The following PCDH15 variants were observed in gnomAD, a reference collection of about 807,000 sequenced individuals.
PCDH15 encodes the protein protocadherin-15.
A neutral mutation model predicts 178.5 loss-of-function variants in PCDH15; 129 were observed. The ratio of observed to expected loss-of-function variants is 0.72; its 90% CI spans 0.63 to 0.84. PCDH15 has a LOEUF of 0.84. Among genes scored for constraint, PCDH15 ranks in the 40% least tolerant of loss-of-function variants. The pLI is 0.00. For synonymous variants in PCDH15, 800 were observed against 732.0 expected (o/e 1.09, Z -1.50); for missense variants, 2,230 against 2,099.9 (o/e 1.06, Z -1.21).
At chr10:54,101,494 T>C (rs557971608) in intron 15 of PCDH15, among the ~76,000 whole-genome samples, 2 of 152,198 alleles carry the variant, frequency 1.3e-5, no homozygotes, top group East Asian at 3.9e-4. Context: ...TTTGAGCAAA[T>C]TAATAGATCA....
rs181599776 is a variant in PCDH15 at position 55,477,298 on chromosome 10, T to G, written c.-156+150327A>C. Among the ~76,000 whole-genome samples, 373 of 152,024 alleles carry G rather than the reference T, an allele frequency of 2.5e-3. 1 individual carries two copies. The highest frequency in any genetic ancestry group is 8.4e-3 in the African/African-American group (347 of 41,532). Reference sequence around the variant, plus strand: ...GCTTGAATGTATGGTATGGCTTCCTTTCAGTGTGACTCCTCAGGCTGGGTT... The same window carrying G: ...GCTTGAATGTATGGTATGGCTTCCTGTCAGTGTGACTCCTCAGGCTGGGTT... On this transcript the variant is annotated intron_variant, in intron 2 of 5. Transcript: ENST00000613346.
At chr10:54,748,051 C>A (rs1009286481) in intron 1 of PCDH15, among the ~76,000 whole-genome samples, 1 of 151,970 alleles carries the variant, frequency 6.6e-6, no homozygotes. Flanking sequence ...GTGATCCACC[C>A]GCCCCCGCCT....
At chr10:54,950,481 C>T (rs775447452) in intron 2 of PCDH15, among the ~76,000 whole-genome samples, 5 of 152,008 alleles carry the variant, frequency 3.3e-5, no homozygotes, top group Non-Finnish European at 7.4e-5. Flanking sequence ...CTCACTTTGC[C>T]TGCTGCCATC....
At position 53,965,101 on chromosome 10, in the gene PCDH15, G is replaced by A. The variant is rs570148993; in HGVS notation, c.2869-3209C>T. 3.3e-5 allele frequency among the ~76,000 whole-genome samples: 5 copies of A among 149,804 alleles called. No individual in the cohort carries two copies. The East Asian group carries it at 7.9e-4, about 24-fold the overall frequency. On this transcript the variant is annotated intron_variant, in intron 21 of 37. Coordinates refer to ENST00000644397, the MANE Select transcript of PCDH15 (RefSeq NM_001384140.1). ...GAGACAGAGTCTTGTACTCTTACCCGGGCTGGAGTGCAGTTGCACGATCTC... is the reference window on the plus strand; with the variant it reads ...GAGACAGAGTCTTGTACTCTTACCCAGGCTGGAGTGCAGTTGCACGATCTC...
At chr10:54,546,444 G>A (rs575421346) in intron 2 of PCDH15, among the ~76,000 whole-genome samples, 54 of 151,922 alleles carry the variant, frequency 3.6e-4, no homozygotes, top group Admixed American at 2.2e-3. Context: ...ATTGTTATTA[G>A]TGATTTCTTA....
intron 1 of PCDH15, among the ~76,000 whole-genome samples, chr10:54,673,341 T>G (rs757877174): frequency 6.6e-6 from 1 of 152,176 alleles, no homozygotes; most frequent in Non-Finnish European, 1.5e-5. Flanking sequence ...TTTCTGTTCT[T>G]GTGTTAGTTT....
chr10:54,109,635 A>C (rs953029443), intron 15 of PCDH15, among the ~76,000 whole-genome samples: 1 of 152,192 alleles, frequency 6.6e-6, no homozygotes, highest in African/African-American at 2.4e-5. Flanking sequence ...GAGCTGAAAA[A>C]TAAAACTATT....
chr10:54,323,734 C>CA (rs1302808232), intron 7 of PCDH15, among the ~76,000 whole-genome samples: 1 of 151,904 alleles, frequency 6.6e-6, no homozygotes, highest in African/African-American at 2.4e-5. Context: ...GAGAATGGAT[C>CA]AAAAAACTAC....
chr10:55,573,224 T>C (rs960895324), intron 2 of PCDH15, among the ~76,000 whole-genome samples: 2 of 152,020 alleles, frequency 1.3e-5, no homozygotes, highest in African/African-American at 4.8e-5. Context: ...CTAAAAATGT[T>C]AAAGCAACAA....
chr10:55,144,693 T>C (rs994100910), intron 2 of PCDH15, among the ~76,000 whole-genome samples: 3 of 152,142 alleles, frequency 2.0e-5, no homozygotes, highest in Non-Finnish European at 4.4e-5. Flanking sequence ...GACTTTACTA[T>C]AAACATGGTA....
intron 2 of PCDH15, among the ~76,000 whole-genome samples, chr10:54,945,639 A>T (rs1838179649): frequency 6.6e-6 from 1 of 151,682 alleles, no homozygotes; most frequent in South Asian, 2.1e-4. Flanking sequence ...TGTTGCTGAT[A>T]ATTGATTCCT....
intron 2 of PCDH15, among the ~76,000 whole-genome samples, chr10:54,546,834 C>T (rs185757625): frequency 3.3e-5 from 5 of 152,224 alleles, no homozygotes; most frequent in African/African-American, 2.4e-5. Context: ...CCTTCAACAC[C>T]GCATGATTCT....
At chr10:54,891,178 G>A (rs1954454324) in intron 3 of PCDH15, among the ~76,000 whole-genome samples, 1 of 151,904 alleles carries the variant, frequency 6.6e-6, no homozygotes, top group Non-Finnish European at 1.5e-5. Context: ...ATGTCTTTTG[G>A]GTGCCAGACC....
chr10:55,574,885 C>T (rs186183451), intron 2 of PCDH15, among the ~76,000 whole-genome samples: 227 of 152,018 alleles, frequency 1.5e-3, no homozygotes, highest in Admixed American at 5.3e-3. Flanking sequence ...TTTATAGGAC[C>T]TCATTAATAA....
chr10:55,027,007 C>T (rs991236777), intron 2 of PCDH15, among the ~76,000 whole-genome samples: 4 of 151,822 alleles, frequency 2.6e-5, no homozygotes, highest in African/African-American at 9.7e-5. Context: ...TATTGAGGAA[C>T]ATCTGCATTT....
intron 1 of PCDH15, among the ~76,000 whole-genome samples, chr10:54,793,968 CT>C (rs140491151): frequency 9.9e-5 from 14 of 141,048 alleles, no homozygotes; most frequent in East Asian, 4.1e-4. Context: ...GGAATGTGTT[CT>C]TTTTTTTTTC....
At chr10:55,371,615 C>A (rs186438466) in intron 2 of PCDH15, among the ~76,000 whole-genome samples, 184 of 152,196 alleles carry the variant, frequency 1.2e-3, no homozygotes, top group Middle Eastern at 3.4e-3. Context: ...CACTCTCTCT[C>A]TCTCTCTTTC....
intron 26 of PCDH15, among the ~76,000 whole-genome samples, chr10:53,871,183 A>G (rs1235474772): frequency 6.6e-6 from 1 of 151,696 alleles, no homozygotes; most frequent in African/African-American, 2.4e-5. Flanking sequence ...AATTAAAAAA[A>G]AAAAAAAATT....
rs539606990 is a variant in PCDH15 at position 54,342,115 on chromosome 10, G to A, written c.594+4250C>T. Among the ~76,000 whole-genome samples, 3 of 152,282 alleles carry A rather than the reference G, an allele frequency of 2.0e-5. No homozygotes were observed. The East Asian group carries it at 5.8e-4, about 29-fold the overall frequency. ...TTTTCTGGGGGAAAATTCAAGCTGG[G>A]TGCAGAAATTTGCATAAGTAACGAG... On this transcript the variant is annotated intron_variant, in intron 6 of 37. Transcript: ENST00000644397.
Sources: gnomAD v4.1 joint callset for allele counts (sites outside exome capture counted in the v4.1 genomes callset) on GRCh38, gnomAD v4.1.1 for gene constraint, MANE v1.5 for transcripts, NCBI Gene and HGNC (gene_info 2026-07-23, HGNC 2026-07-21) for gene names.